Variants in RYR1 observed in about 807,000 individuals in gnomAD.
The protein encoded by RYR1 is central core disease of muscle.
In RYR1, 342 loss-of-function variants were observed where a neutral mutation model predicts 583.5. The observed-to-expected ratio is 0.59, with a 90% CI of 0.54 to 0.64. RYR1 has a LOEUF of 0.64. Among genes scored for constraint, RYR1 ranks in the 30% least tolerant of loss-of-function variants. The probability of loss-of-function intolerance (pLI) is 0.00; values close to 1 mark genes in which losing one functional copy is unlikely to be tolerated. For missense variants in RYR1, 6,032 were observed against 6,917.2 expected (o/e 0.87, Z 4.54); for synonymous variants, 2,791 against 2,822.5 (o/e 0.99, Z 0.35).
At chr19:38,464,843 G>T in intron 23 of RYR1, 121 bp downstream of exon 23, 1 of 843,566 alleles carries the variant, frequency 1.2e-6, no homozygotes, top group Non-Finnish European at 2.0e-6. Context: ...AGGAGACTTG[G>T]GTTAGGGTGA....
rs1971496216 is a variant in RYR1 at position 38,527,026 on chromosome 19, C to T, written c.10660C>T (p.His3554Tyr). 1 of 1,613,974 alleles carries T rather than the reference C, an allele frequency of 6.2e-7. No homozygotes were observed. Among genetic ancestry groups the T allele is most frequent in the African/African-American group, 1.3e-5 (1 of 75,024 alleles). The change falls in exon 72 of 106, where the codon CAC becomes TAC. Residue 3554 changes from histidine to tyrosine, a missense_variant. His to Tyr is a moderately conservative substitution (Grantham distance 83). This residue lies in a region of RYR1 where 1,493 missense variants were observed against 1,715.5 expected (regional missense o/e 0.87). Transcript: ENST00000359596. The stretch of plus-strand genomic sequence containing the variant: ...AGATGAGGAGGTCCGGGAATTTCTG[C>T]ACAACAACCTTCACCTTCAGGGAAA... The part of the protein sequence containing the change: ...DTDEEVREFL[H>Y]NNLHLQGKVE...
At chr19:38,438,915 GC>G (rs2145312692) in intron 1 of RYR1, among the ~76,000 whole-genome samples, 1 of 152,112 alleles carries the variant, frequency 6.6e-6, no homozygotes, top group African/African-American at 2.4e-5. Context: ...GCCGTGCCTG[GC>G]CCCAGGCTGG....
chr19:38,459,808 A>G (rs1025707057), intron 19 of RYR1, among the ~76,000 whole-genome samples: 2 of 151,434 alleles, frequency 1.3e-5, no homozygotes, highest in Non-Finnish European at 2.9e-5. Flanking sequence ...ATGACACCAT[A>G]CTCTCTCAAT....
chr19:38,563,122 T>C (rs745491112), intron 90 of RYR1, among the ~76,000 whole-genome samples: 2 of 152,140 alleles, frequency 1.3e-5, no homozygotes, highest in Non-Finnish European at 2.9e-5. Flanking sequence ...ATACAAACAC[T>C]CTTTGCCTTA....
intron 105 of RYR1, 52 bp downstream of exon 105, chr19:38,586,628 A>G (rs1463097475): frequency 6.5e-6 from 10 of 1,536,070 alleles, no homozygotes; most frequent in Non-Finnish European, 9.0e-6. Context: ...GCCCTTTAAC[A>G]TAAGGCCAGT....
At chr19:38,477,571 G>A (rs1968795970) in intron 29 of RYR1, 139 bp from the exon 30 acceptor site, 11 of 951,194 alleles carry the variant, frequency 1.2e-5, no homozygotes, top group East Asian at 5.0e-5. Context: ...CATAACCAGG[G>A]GGTGGGGGAC....
At chr19:38,507,629 CAGG>C in intron 57 of RYR1, 80 bp from the exon 58 acceptor site, 2 of 888,610 alleles carry the variant, frequency 2.3e-6, no homozygotes, top group Non-Finnish European at 3.8e-6. Context: ...ACGGGGCCAG[CAGG>C]AGCAGAGGCG....
rs1003365179 is a variant in RYR1 at position 38,532,883 on chromosome 19, C to G, written c.11259+147C>G. ...TCCACTGGGGAGACAGATACACCCG[C>G]CAAACTAACACCACGGAGTGTACAC... On this transcript the variant is annotated intron_variant, in intron 78 of 105. Transcript: ENST00000359596. 4.8e-5 allele frequency: 37 copies of G among 775,960 alleles called. No homozygotes were observed. The Admixed American group carries it at 7.5e-4, about 16-fold the overall frequency. The allele number at this position is 775,960 out of a possible 1,614,324, so 48.1% of individuals were successfully genotyped here.
At chr19:38,446,613 G>C in intron 8 of RYR1, 48 bp downstream of exon 8, 1 of 1,603,322 alleles carries the variant, frequency 6.2e-7, no homozygotes, top group Non-Finnish European at 8.5e-7. Context: ...TGGACGTGGA[G>C]GGCTGGGACC....
intron 99 of RYR1, 45 bp downstream of exon 99, chr19:38,578,249 G>A (rs372883965): frequency 1.3e-6 from 2 of 1,596,612 alleles, no homozygotes; most frequent in Admixed American, 1.7e-5. Context: ...GCAGGGGTGG[G>A]GCGTTAGGAG....
At chr19:38,504,957 G>A in intron 51 of RYR1, 46 bp downstream of exon 51, 1 of 1,613,824 alleles carries the variant, frequency 6.2e-7, no homozygotes, top group Non-Finnish European at 8.5e-7. Flanking sequence ...TTCAGGGGTG[G>A]AGGGAACCCC....
intron 89 of RYR1, among the ~76,000 whole-genome samples, chr19:38,556,363 T>C (rs1972879402): frequency 6.6e-6 from 1 of 151,730 alleles, no homozygotes; most frequent in Non-Finnish European, 1.5e-5. Flanking sequence ...ATATCTGTAG[T>C]CCCAGTTACT....
Position 38,464,626 on chromosome 19 carries a change from C to T in RYR1, c.2787-13C>T, listed in dbSNP as rs1020807750. 15 of 1,568,986 alleles carry T rather than the reference C, an allele frequency of 9.6e-6. No individual in the cohort carries two copies. Among genetic ancestry groups the T allele is most frequent in the Non-Finnish European group, 1.3e-5 (15 of 1,156,398 alleles). Reference sequence around the variant, plus strand: ...AGGGGCGTGACCTGTCGCCTCCACTCCCCCACCCCCAGGACTCTGCTGGCT... The same window carrying T: ...AGGGGCGTGACCTGTCGCCTCCACTTCCCCACCCCCAGGACTCTGCTGGCT... On this transcript the variant is annotated splice_polypyrimidine_tract_variant and intron_variant, in intron 22 of 105. Transcript: ENST00000359596.
intron 101 of RYR1, among the ~76,000 whole-genome samples, chr19:38,583,190 G>C (rs1304736871): frequency 6.6e-6 from 1 of 151,948 alleles, no homozygotes; most frequent in Non-Finnish European, 1.5e-5. Flanking sequence ...CCAGCTACCT[G>C]GGAGGCTGAG....
At position 38,537,923 on chromosome 19, in the gene RYR1, C is replaced by T; in HGVS notation, c.11652C>T (p.Phe3884=). Residue 3884 remains phenylalanine (F), a synonymous_variant, in exon 84 of 106, where the codon TTC becomes TTT. Coordinates refer to ENST00000359596, the MANE Select transcript of RYR1 (RefSeq NM_000540.3). Reference sequence around the variant, plus strand: ...ATGATGAATTCACACAAGACCTGTTCCGATTCCTACAATTGCTCTGTGAGG... The same window carrying T: ...ATGATGAATTCACACAAGACCTGTTTCGATTCCTACAATTGCTCTGTGAGG... The part of the protein sequence containing the change: ...MADDEFTQDL[F]RFLQLLCEGH... The T allele has an allele frequency of 6.2e-7, 1 of 1,614,072 alleles. No homozygotes were observed. The highest frequency in any genetic ancestry group is 2.2e-5 in the East Asian group (1 of 44,874).
rs775256033 is a variant in RYR1, at chr19:38,463,498, C to T, written c.2653C>T (p.Arg885Cys). Residue 885 changes from arginine (R) to cysteine (C), a missense_variant, in exon 21 of 106, where the codon CGC becomes TGC. Transcript: ENST00000359596. Reference sequence around the variant, plus strand: ...CATCCACGAGCTCTGGGCGCTAACCCGCATCGAGCAGGGCTGGACCTACGG... The same window carrying T: ...CATCCACGAGCTCTGGGCGCTAACCTGCATCGAGCAGGGCTGGACCTACGG... Reference protein sequence around the residue: ...ENIHELWALTRIEQGWTYGPV... With the variant: ...ENIHELWALTCIEQGWTYGPV... The T allele has an allele frequency of 4.4e-5, 71 of 1,613,070 alleles. No homozygotes were observed. The highest frequency in any genetic ancestry group is 1.6e-4 in the Middle Eastern group (1 of 6,084).
rs1369719730 is a variant in RYR1, at chr19:38,565,880, A to G, written c.13437+109A>G. The G allele has an allele frequency of 1.1e-5, 14 of 1,219,344 alleles. No individual in the cohort carries two copies. The highest frequency in any genetic ancestry group is 2.5e-5 in the South Asian group (1 of 39,896). The allele number at this position is 1,219,344 out of a possible 1,614,324, so 75.5% of individuals were successfully genotyped here. A position where few individuals can be genotyped will look rare whatever the true frequency, so the allele number is the denominator to read the frequency against. ...ACAGAGGAGAGAACTGGCTAGGGGG[A>G]TGGGCACACGCACCCACGGAGGACG... On this transcript the variant is annotated intron_variant, in intron 91 of 105. Transcript: ENST00000359596. This position sits in a 1 kb window ranked among gnomAD's most constrained non-coding sequence, Gnocchi z 4.7.
Position 38,496,111 on chromosome 19 carries a change from GCA to G in RYR1, c.6549-101_6549-100del. 1.1e-6 allele frequency: 1 copy of G among 944,162 alleles called. No individual in the cohort carries two copies. The highest frequency in any genetic ancestry group is 1.7e-6 in the Non-Finnish European group (1 of 591,834). The allele number at this position is 944,162 out of a possible 1,614,324, so 58.5% of individuals were successfully genotyped here. ...AGATCTGTAAAGGCGGTGGTGCTAG[GCA>G]CAGAGTGAGAGGGTCAAGAATGCCA... On this transcript the variant is annotated intron_variant, in intron 39 of 105. Transcript: ENST00000359596. This position sits in a 1 kb window ranked among gnomAD's most constrained non-coding sequence, Gnocchi z 4.8.
chr19:38,501,332 TACTAA>T (rs1192811612), intron 47 of RYR1, among the ~76,000 whole-genome samples: 1 of 152,102 alleles, frequency 6.6e-6, no homozygotes, highest in Non-Finnish European at 1.5e-5. Flanking sequence ...ACCGCATCTC[TACTAA>T]AAGTACAAAA....
Sources: gnomAD v4.1 joint callset for allele counts (sites outside exome capture counted in the v4.1 genomes callset) on GRCh38, gnomAD v4.1.1 for gene constraint, gnomAD v4.1.1 regional missense constraint, Gnocchi (gnomAD v3.1) non-coding constraint, MANE v1.5 for transcripts, NCBI Gene and HGNC (gene_info 2026-07-23, HGNC 2026-07-21) for gene names.